The following LRRC8B variants were observed in gnomAD, a reference collection of about 807,000 sequenced individuals.
LRRC8B encodes volume-regulated anion channel subunit LRRC8B.
A neutral mutation model predicts 58.8 loss-of-function variants in LRRC8B; 23 were observed. That is an observed-to-expected ratio of 0.39 (90% CI 0.28 to 0.55). LRRC8B has a LOEUF of 0.55. LRRC8B is among the 20% of genes least tolerant of loss of function. The probability of loss-of-function intolerance (pLI) is 0.62; values close to 1 mark genes in which losing one functional copy is unlikely to be tolerated. For synonymous variants in LRRC8B, 359 were observed against 374.1 expected (o/e 0.96, Z 0.47); for missense variants, 694 against 936.0 (o/e 0.74, Z 3.37).
At chr1:89,585,686 G>A (rs1385229260) in intron 5 of LRRC8B, among the ~76,000 whole-genome samples, 5 of 152,098 alleles carry the variant, frequency 3.3e-5, no homozygotes, top group Admixed American at 3.3e-4. Flanking sequence ...GCACGGACCT[G>A]AAGTCCCAGC....
chr1:89,549,520 G>A (rs1651656921), intron 1 of LRRC8B, among the ~76,000 whole-genome samples: 1 of 152,174 alleles, frequency 6.6e-6, no homozygotes, highest in African/African-American at 2.4e-5. Flanking sequence ...ACCTGCAATA[G>A]GGAGGCTGCA....
At chr1:89,590,830 C>T (rs1557626612) in intron 5 of LRRC8B, among the ~76,000 whole-genome samples, 2 of 152,172 alleles carry the variant, frequency 1.3e-5, no homozygotes, top group East Asian at 1.9e-4. Flanking sequence ...ATTGTGTAAT[C>T]GTTTCATGTT....
chr1:89,525,575 ATTTG>A (rs1348721512), intron 1 of LRRC8B, among the ~76,000 whole-genome samples: 1 of 152,188 alleles, frequency 6.6e-6, no homozygotes, highest in Non-Finnish European at 1.5e-5. Context: ...TTGGGCGTTG[ATTTG>A]TTTGAGAAAG....
Position 89,584,211 on chromosome 1 carries a change from G to C in LRRC8B, c.1561G>C (p.Val521Leu), listed in dbSNP as rs1303430391. 1 of 1,611,546 alleles carries C rather than the reference G, an allele frequency of 6.2e-7. No homozygotes were observed. The highest frequency in any genetic ancestry group is 8.5e-7 in the Non-Finnish European group (1 of 1,179,998). Residue 521 changes from valine to leucine, a missense_variant, in exon 5 of 6, where the codon GTT (valine) becomes CTT (leucine). Val to Leu is a conservative substitution (Grantham distance 32, BLOSUM62 1). Coordinates refer to ENST00000330947, the MANE Select transcript of LRRC8B (RefSeq NM_001369817.2). ...NLKELYLSGC[V>L]LPEQLSTMQL... The stretch of plus-strand genomic sequence containing the variant: ...CAAGGAACTTTATCTTTCGGGCTGT[G>C]TTCTCCCTGAACAGTTGAGTACTAT...
chr1:89,548,163 C>T (rs895705510), intron 1 of LRRC8B, among the ~76,000 whole-genome samples: 1 of 152,162 alleles, frequency 6.6e-6, no homozygotes, highest in African/African-American at 2.4e-5. Flanking sequence ...TCACAAAGAG[C>T]ACAAAATAAC....
At chr1:89,531,410 T>A (rs2100786106) in intron 1 of LRRC8B, among the ~76,000 whole-genome samples, 1 of 152,318 alleles carries the variant, frequency 6.6e-6, no homozygotes, top group Middle Eastern at 3.4e-3. Context: ...ATATACCATC[T>A]TGAGGTAACA....
At chr1:89,577,382 G>A (rs1653931594) in intron 3 of LRRC8B, among the ~76,000 whole-genome samples, 1 of 152,092 alleles carries the variant, frequency 6.6e-6, no homozygotes, top group Admixed American at 6.5e-5. Context: ...TTTTGAAAAA[G>A]CTTTTATGAC....
intron 1 of LRRC8B, among the ~76,000 whole-genome samples, chr1:89,540,440 G>A (rs1650873144): frequency 6.6e-6 from 1 of 152,202 alleles, no homozygotes; most frequent in African/African-American, 2.4e-5. Flanking sequence ...GGCCCTAACA[G>A]TGATGTGAAA....
intron 3 of LRRC8B, among the ~76,000 whole-genome samples, chr1:89,576,386 G>T (rs1396554796): frequency 6.6e-6 from 1 of 151,772 alleles, no homozygotes; most frequent in Non-Finnish European, 1.5e-5. Flanking sequence ...GGGAGATTTG[G>T]GGGAAAAAAA....
chr1:89,539,955 CAGCAGATATTG>C (rs1557594494), intron 1 of LRRC8B, among the ~76,000 whole-genome samples: 33 of 152,152 alleles, frequency 2.2e-4, no homozygotes, highest in Admixed American at 7.2e-4. Flanking sequence ...ATTAAATATT[CAGCAGATATTG>C]TGAAAGTTAG....
chr1:89,551,094 C>T (rs776035629), intron 1 of LRRC8B, among the ~76,000 whole-genome samples: 5 of 152,208 alleles, frequency 3.3e-5, no homozygotes, highest in Non-Finnish European at 7.4e-5. Context: ...AGCCTCACTG[C>T]TCTTCCTCAG....
chr1:89,545,131 C>G (rs911191449), intron 1 of LRRC8B, among the ~76,000 whole-genome samples: 5 of 152,148 alleles, frequency 3.3e-5, no homozygotes, highest in African/African-American at 1.2e-4. Context: ...TTTCTTGATT[C>G]TTAATCCCAT....
chr1:89,584,984 C>G (rs962670705), intron 5 of LRRC8B, among the ~76,000 whole-genome samples, 195 bp downstream of exon 5: 2 of 152,180 alleles, frequency 1.3e-5, no homozygotes, highest in Admixed American at 1.3e-4. Context: ...TATGAAAAAA[C>G]ATAAAAGCAT....
chr1:89,543,270 C>A (rs1365688672), intron 1 of LRRC8B, among the ~76,000 whole-genome samples: 1 of 152,016 alleles, frequency 6.6e-6, no homozygotes, highest in Non-Finnish European at 1.5e-5. Context: ...CTTGAAAAGT[C>A]TTTTATGCTA....
At position 89,584,726 on chromosome 1, in the gene LRRC8B, C is replaced by G. The variant is rs192361759; in HGVS notation, c.2076C>G (p.Thr692=). Residue 692 remains threonine, a synonymous_variant, in exon 5 of 6, where the codon ACC becomes ACG. Coordinates refer to ENST00000330947, the MANE Select transcript of LRRC8B (RefSeq NM_001369817.2). ...TGGATCTAAGCTATAACCACTTGAC[C>G]TTCATTCCAGAAGAAATCCAGTATC... ...HYLDLSYNHL[T]FIPEEIQYLS... is the part of the protein sequence containing the mutation. 1.9e-5 allele frequency: 31 copies of G among 1,613,044 alleles called. No individual in the cohort carries two copies. The East Asian group carries it at 4.0e-4, about 21-fold the overall frequency.
rs777810469 is a variant in LRRC8B, at chr1:89,595,220, C to T, written c.*2177C>T. ...AGGGAAGCAGGTATAACTGATGAAA[C>T]TTCTAGGACTTCAGAAAACAGATTC... On this transcript the variant is annotated 3_prime_UTR_variant, in exon 6 of 6. Coordinates refer to ENST00000330947, the MANE Select transcript of LRRC8B (RefSeq NM_001369817.2). 21 of 152,070 alleles carry T rather than the reference C, an allele frequency of 1.4e-4. No homozygotes were observed. The highest frequency in any genetic ancestry group is 2.8e-4 in the Non-Finnish European group (19 of 67,982). The allele number at this position is 152,070 out of a possible 1,614,324, so 9.4% of individuals were successfully genotyped here.
chr1:89,533,850 T>C (rs1650325319), intron 1 of LRRC8B, among the ~76,000 whole-genome samples: 2 of 152,206 alleles, frequency 1.3e-5, no homozygotes, highest in African/African-American at 2.4e-5. Flanking sequence ...TTTTGACTGG[T>C]ATTTGCATAA....
intron 5 of LRRC8B, 142 bp downstream of exon 5, chr1:89,584,931 A>T: frequency 1.7e-6 from 1 of 591,562 alleles, no homozygotes; most frequent in South Asian, 3.0e-5. Context: ...CAAAACACTG[A>T]GCATCCATTT....
intron 4 of LRRC8B, 39 bp downstream of exon 4, chr1:89,579,727 T>C: frequency 6.5e-6 from 1 of 152,782 alleles, no homozygotes; most frequent in Middle Eastern, 3.4e-3. Flanking sequence ...TTGGTCAATG[T>C]TGACTTGTAT....
Sources: allele counts gnomAD v4.1 joint callset (sites outside exome capture counted in the v4.1 genomes callset), GRCh38; gene constraint gnomAD v4.1.1; transcripts MANE v1.5; gene names NCBI Gene and HGNC (gene_info 2026-07-23, HGNC 2026-07-21).